IFT74: variants seen among roughly 807,000 people sequenced by gnomAD.
The protein encoded by IFT74 is intraflagellar transport 74.
Under a neutral mutation model 96.7 loss-of-function variants are expected in IFT74, and 92 were observed. That is an observed-to-expected ratio of 0.95 (90% CI 0.80 to 1.13). The LOEUF is 1.13. Among genes scored for constraint, IFT74 ranks in the 50% most tolerant of loss-of-function variants. The pLI, the probability that IFT74 is intolerant of heterozygous loss-of-function variation, is 0.00. For synonymous variants in IFT74, 223 were observed against 213.2 expected, an observed-to-expected ratio of 1.05 and a Z score of -0.40; for missense variants, 811 against 698.2, an observed-to-expected ratio of 1.16 and a Z score of -1.82.
chr9:27,025,034 C>A (rs1303286772), intron 12 of IFT74, among the ~76,000 whole-genome samples: 1 of 150,198 alleles, frequency 6.7e-6, no homozygotes, highest in Non-Finnish European at 1.5e-5. Context: ...ATGGCCAAAC[C>A]TAAGAATAAT....
At chr9:26,999,644 T>A in intron 8 of IFT74, 1 of 1,609,442 alleles carries the variant, frequency 6.2e-7, no homozygotes, top group Non-Finnish European at 8.5e-7. Flanking sequence ...TGTCTGATAA[T>A]AATATCATGG....
intron 4 of IFT74, among the ~76,000 whole-genome samples, chr9:26,981,700 A>G (rs914907377): frequency 1.3e-5 from 2 of 151,872 alleles, no homozygotes; most frequent in Non-Finnish European, 2.9e-5. Context: ...GATTACAGGC[A>G]TGAGCCACCG....
intron 1 of IFT74, among the ~76,000 whole-genome samples, chr9:26,956,727 C>A (rs545248481): frequency 4.6e-4 from 62 of 133,852 alleles, no homozygotes; most frequent in African/African-American, 1.6e-3. Flanking sequence ...CCTCCCCGAC[C>A]CCCCGCAGGA....
At chr9:26,963,119 C>A (rs2131483712) in intron 2 of IFT74, among the ~76,000 whole-genome samples, 1 of 152,114 alleles carries the variant, frequency 6.6e-6, no homozygotes, top group African/African-American at 2.4e-5. Flanking sequence ...TCCCCGCACC[C>A]CACAACAGTC....
chr9:27,012,706 C>CTTTTTTT (rs1563974323), intron 10 of IFT74, among the ~76,000 whole-genome samples: 1 of 85,308 alleles, frequency 1.2e-5, no homozygotes, highest in African/African-American at 5.0e-5. Flanking sequence ...GTAAAAATGT[C>CTTTTTTT]TGTTTTTTTT....
chr9:27,026,746 G>T (rs918986102), intron 12 of IFT74, among the ~76,000 whole-genome samples: 2 of 152,108 alleles, frequency 1.3e-5, no homozygotes, highest in Admixed American at 6.6e-5. Context: ...ATGAAATCAA[G>T]ATGGAAATTT....
chr9:26,965,002 T>C (rs1826545260), intron 2 of IFT74, among the ~76,000 whole-genome samples: 2 of 152,150 alleles, frequency 1.3e-5, no homozygotes, highest in South Asian at 4.1e-4. Context: ...ACATTTTCGT[T>C]ATCATTATAA....
intron 6 of IFT74, among the ~76,000 whole-genome samples, chr9:26,987,963 G>GT (rs1489078289): frequency 6.6e-6 from 1 of 151,736 alleles, no homozygotes; most frequent in East Asian, 1.9e-4. Flanking sequence ...TGTTGTTGTT[G>GT]TTTTTTGAGA....
chr9:26,965,989 A>G (rs1223169533), intron 2 of IFT74, among the ~76,000 whole-genome samples: 1 of 152,010 alleles, frequency 6.6e-6, no homozygotes, highest in East Asian at 1.9e-4. Context: ...GTAGTGTTTC[A>G]TAGTATGTGT....
chr9:26,972,043 G>A (rs539787158), intron 2 of IFT74, among the ~76,000 whole-genome samples: 11 of 152,228 alleles, frequency 7.2e-5, no homozygotes, highest in East Asian at 3.9e-4. Context: ...ATAAATAAGT[G>A]TCACCCTGTC....
At position 26,964,582 on chromosome 9, in the gene IFT74, C is replaced by T. The variant is rs139223453; in HGVS notation, c.120+2495C>T. On this transcript the variant is annotated intron_variant, in intron 2 of 19. Coordinates refer to ENST00000380062, the MANE Select transcript of IFT74 (RefSeq NM_025103.4). ...TATGGCCATTTTCATGATATTGATT[C>T]TTCCTACCCGTGAGCATGGAATGTT... 3.3e-3 allele frequency among the ~76,000 whole-genome samples: 498 copies of T among 152,218 alleles called. 22 individuals carry two copies. The East Asian group carries it at 0.08, about 24-fold the overall frequency.
chr9:27,007,574 A>C (rs1828857456), intron 8 of IFT74, among the ~76,000 whole-genome samples: 1 of 152,228 alleles, frequency 6.6e-6, no homozygotes, highest in South Asian at 2.1e-4. Context: ...AAATAAATTG[A>C]AATTCCAGGT....
chr9:26,959,531 C>CA (rs1826263693), intron 1 of IFT74, among the ~76,000 whole-genome samples: 1 of 152,134 alleles, frequency 6.6e-6, no homozygotes, highest in Non-Finnish European at 1.5e-5. Context: ...AACATGGTAA[C>CA]AGACTGAAGG....
chr9:27,052,291 T>A (rs2131695552), intron 16 of IFT74, among the ~76,000 whole-genome samples: 1 of 152,164 alleles, frequency 6.6e-6, no homozygotes, highest in South Asian at 2.1e-4. Flanking sequence ...GGGCGGATCA[T>A]CTGAGGTCAC....
chr9:26,983,444 A>G (rs993452397), intron 4 of IFT74, among the ~76,000 whole-genome samples: 5 of 152,116 alleles, frequency 3.3e-5, no homozygotes, highest in African/African-American at 1.2e-4. Context: ...ATTTCTATAC[A>G]TGTTTCTGGT....
At chr9:27,039,704 C>A (rs1819380113) in intron 13 of IFT74, among the ~76,000 whole-genome samples, 1 of 151,972 alleles carries the variant, frequency 6.6e-6, no homozygotes, top group Non-Finnish European at 1.5e-5. Context: ...CATAAGTAAT[C>A]TAGGGATGAT....
rs147254561 is a variant in IFT74 at position 27,010,225 on chromosome 9, G to A, written c.726+1067G>A. On this transcript the variant is annotated intron_variant, in intron 9 of 19. Coordinates refer to ENST00000380062, the MANE Select transcript of IFT74 (RefSeq NM_025103.4). ...AGGATGGTCTTGATCGCCTGACCTC[G>A]TGATCCGCCTGCCTCGGCCTCCCAA... Among the ~76,000 whole-genome samples the A allele has an allele frequency of 3.5e-3, 525 of 152,010 alleles. 20 individuals are homozygous for A. In the East Asian group the frequency reaches 0.085, roughly 25 times the overall value.
chr9:27,033,847 G>T (rs1285129681), intron 13 of IFT74, among the ~76,000 whole-genome samples: 1 of 151,940 alleles, frequency 6.6e-6, no homozygotes, highest in Admixed American at 6.6e-5. Context: ...TCCCAGAAAA[G>T]GTTGTATTAT....
intron 8 of IFT74, chr9:26,998,210 T>A (rs1056786450): frequency 6.6e-7 from 1 of 1,506,410 alleles, no homozygotes; most frequent in Non-Finnish European, 8.9e-7. Flanking sequence ...AATCAAGGTA[T>A]AATTTTTTTC....
Sources: gnomAD v4.1 joint callset for allele counts (sites outside exome capture counted in the v4.1 genomes callset) on GRCh38, gnomAD v4.1.1 for gene constraint, MANE v1.5 for transcripts, NCBI Gene and HGNC (gene_info 2026-07-23, HGNC 2026-07-21) for gene names.